Variants in LEPR observed in about 807,000 individuals in gnomAD.
LEPR encodes the protein leptin receptor.
LEPR carries 56 observed loss-of-function variants against 114.7 expected under a neutral mutation model. The observed-to-expected ratio is 0.49, with a 90% CI of 0.39 to 0.61. The LOEUF (loss-of-function observed/expected upper bound fraction) is 0.61. Among genes scored for constraint, LEPR ranks in the 20% least tolerant of loss-of-function variants. LEPR has a pLI of 0.00. For missense variants in LEPR, 1,202 were observed against 1,352.9 expected (o/e 0.89, Z 1.75); for synonymous variants, 443 against 461.4 (o/e 0.96, Z 0.51).
chr1:65,535,056 T>C (rs1346974126), intron 2 of LEPR, among the ~76,000 whole-genome samples: 2 of 152,174 alleles, frequency 1.3e-5, no homozygotes, highest in Non-Finnish European at 2.9e-5. Context: ...ACAGAATTTC[T>C]GAACCAAAGT....
Position 65,616,239 on chromosome 1 carries a change from A to G in LEPR, c.2212+15A>G. 1 of 1,612,216 alleles carries G rather than the reference A, an allele frequency of 6.2e-7. No individual in the cohort carries two copies. Among genetic ancestry groups the G allele is most frequent in the Non-Finnish European group, 8.5e-7 (1 of 1,178,572 alleles). On this transcript the variant is annotated intron_variant, in intron 15 of 19. Transcript: ENST00000349533. ...TATGAGCAAAGGTAAGAAGAGGTAC[A>G]GAGTGGTAATCCATTGCCTCTTTTA...
intron 2 of LEPR, chr1:65,428,028 T>C (rs1043233934): frequency 1.9e-5 from 3 of 155,344 alleles, no homozygotes; most frequent in Non-Finnish European, 4.3e-5. Flanking sequence ...CATTTGTTTA[T>C]GAATTATCTT....
At chr1:65,449,814 C>T (rs963694331) in intron 2 of LEPR, among the ~76,000 whole-genome samples, 1 of 146,488 alleles carries the variant, frequency 6.8e-6, no homozygotes, top group Non-Finnish European at 1.5e-5. Flanking sequence ...ATTTGTTCCT[C>T]TTTTTTCTAG....
intron 2 of LEPR, among the ~76,000 whole-genome samples, chr1:65,541,826 T>C (rs755334179): frequency 2.0e-5 from 3 of 152,194 alleles, no homozygotes; most frequent in Non-Finnish European, 2.9e-5. Context: ...AAAGCAACAT[T>C]ATTGTCAGAA....
At chr1:65,498,299 T>C (rs1475588728) in intron 2 of LEPR, among the ~76,000 whole-genome samples, 2 of 152,130 alleles carry the variant, frequency 1.3e-5, no homozygotes, top group Non-Finnish European at 2.9e-5. Flanking sequence ...CTTTACAAGA[T>C]TAGGAAGGTC....
Position 65,596,516 on chromosome 1 carries a change from T to A in LEPR, c.772T>A (p.Ser258Thr). ...TGATGGTAATTTAAAGATTTCTTGG[T>A]CCAGCCCACCATTGGTACCATTTCC... ...TDDGNLKISWSSPPLVPFPLQ... is the reference protein window; with the variant it reads ...TDDGNLKISWTSPPLVPFPLQ... The change falls in exon 7 of 20, where the codon TCC becomes ACC. Residue 258 changes from serine to threonine, a missense_variant. Ser to Thr is a moderately conservative substitution (Grantham distance 58). Coordinates refer to ENST00000349533, the MANE Select transcript of LEPR (RefSeq NM_002303.6). The A allele has an allele frequency of 6.2e-7, 1 of 1,612,948 alleles. No individual in the cohort carries two copies. Among genetic ancestry groups the A allele is most frequent in the Middle Eastern group, 1.7e-4 (1 of 6,054 alleles).
At chr1:65,595,645 T>G (rs540532651) in intron 6 of LEPR, among the ~76,000 whole-genome samples, 4 of 152,260 alleles carry the variant, frequency 2.6e-5, no homozygotes, top group African/African-American at 9.6e-5. Flanking sequence ...TCTTATGCTC[T>G]TTATTTATTG....
At chr1:65,523,387 T>C (rs913239666) in intron 2 of LEPR, among the ~76,000 whole-genome samples, 1 of 151,570 alleles carries the variant, frequency 6.6e-6, no homozygotes, top group African/African-American at 2.4e-5. Flanking sequence ...CTCGGTTCAA[T>C]GCAACCTCTG....
intron 5 of LEPR, among the ~76,000 whole-genome samples, chr1:65,578,891 T>C (rs981737495): frequency 1.6e-4 from 25 of 152,182 alleles, no homozygotes; most frequent in African/African-American, 5.5e-4. Flanking sequence ...TATTTATTAC[T>C]AGTGTTAGAC....
At chr1:65,569,707 T>TA (rs199787348) in intron 3 of LEPR, among the ~76,000 whole-genome samples, 1,038 of 92,418 alleles carry the variant, frequency 0.011, 29 homozygotes, top group African/African-American at 0.026. Flanking sequence ...AATTCCATCT[T>TA]AAAAAAAAAA....
rs760227840 is a variant in LEPR, at chr1:65,636,468, T to C, written c.2951T>C (p.Val984Ala). 2 of 1,613,938 alleles carry C rather than the reference T, an allele frequency of 1.2e-6. No individual in the cohort carries two copies. The highest frequency in any genetic ancestry group is 1.7e-6 in the Non-Finnish European group (2 of 1,179,994). The change falls in exon 20 of 20, where the codon GTT becomes GCT. Residue 984 changes from valine (V) to alanine (A), a missense_variant. By Grantham distance (64) the Val-to-Ala change is moderately conservative. Transcript: ENST00000349533. ...GACGAAAGCCAGAGACAACCCTTTG[T>C]TAAATACGCCACGCTGATCAGCAAC... ...YEDESQRQPF[V>A]KYATLISNSK... is the part of the protein sequence containing the mutation.
intron 2 of LEPR, chr1:65,429,831 T>C (rs200216004): frequency 7.2e-7 from 1 of 1,393,516 alleles, no homozygotes; most frequent in African/African-American, 1.5e-5. Context: ...GTTACTTTTC[T>C]TTTTGGATTT....
chr1:65,567,313 G>A (rs889296197), intron 3 of LEPR, among the ~76,000 whole-genome samples: 2 of 152,226 alleles, frequency 1.3e-5, no homozygotes, highest in Admixed American at 6.5e-5. Context: ...TTCATTTCAA[G>A]CAACTGAATC....
At chr1:65,512,061 T>C (rs924130001) in intron 2 of LEPR, among the ~76,000 whole-genome samples, 1 of 152,088 alleles carries the variant, frequency 6.6e-6, no homozygotes, top group African/African-American at 2.4e-5. Flanking sequence ...CTGTTTCACA[T>C]GGTGGGAGCA....
chr1:65,552,885 T>G (rs1416179926), intron 2 of LEPR, among the ~76,000 whole-genome samples: 1 of 152,220 alleles, frequency 6.6e-6, no homozygotes, highest in Non-Finnish European at 1.5e-5. Flanking sequence ...AGTGCTTCCT[T>G]CAGGAGCTCT....
rs1557666288 is a variant in LEPR, at chr1:65,565,845, T to TCACACACACAGACTCACACA, written c.40+250_40+251insGACTCACACACACACACACA. On this transcript the variant is annotated intron_variant, in intron 3 of 19. Coordinates refer to ENST00000349533, the MANE Select transcript of LEPR (RefSeq NM_002303.6). ...ATCCTTCCAGAATCCTCTCTCTCTCTCACACACACACACACACAGACTCAC... is the reference window on the plus strand; with the variant it reads ...ATCCTTCCAGAATCCTCTCTCTCTCTCACACACACAGACTCACACACACACACACACACACACAGACTCAC... Among the ~76,000 whole-genome samples, 23 of 148,728 alleles carry TCACACACACAGACTCACACA rather than the reference T, an allele frequency of 1.5e-4. No individual in the cohort carries two copies. In the East Asian group the frequency reaches 4.3e-3, roughly 28 times the overall value.
chr1:65,556,529 T>C (rs1652826123), intron 2 of LEPR, among the ~76,000 whole-genome samples: 1 of 152,172 alleles, frequency 6.6e-6, no homozygotes, highest in South Asian at 2.1e-4. Context: ...TTGTATGTGC[T>C]TCCTCATGGC....
At chr1:65,616,647 G>A (rs1657544807) in intron 15 of LEPR, among the ~76,000 whole-genome samples, 1 of 151,850 alleles carries the variant, frequency 6.6e-6, no homozygotes, top group Non-Finnish European at 1.5e-5. Flanking sequence ...AATAGTAATA[G>A]CATGACATGT....
rs1023044696 is a variant in LEPR, at chr1:65,633,585, G to C, written c.2674-2606G>C. The stretch of plus-strand genomic sequence containing the variant: ...CTAAAACTGCAACATCTGACAAATA[G>C]CTTTAAAAATACAATGATTATAAGT... On this transcript the variant is annotated intron_variant, in intron 19 of 19. Transcript: ENST00000349533. This position sits in a 1 kb window ranked among gnomAD's most constrained non-coding sequence, Gnocchi z 4.1. The C allele has an allele frequency of 2.0e-5, 20 of 992,814 alleles. No individual in the cohort carries two copies. Among genetic ancestry groups the C allele is most frequent in the Non-Finnish European group, 2.3e-5 (19 of 833,856 alleles). 61.5% of individuals were successfully genotyped at this position (992,814 alleles called of 1,614,324 possible).
Sources: gnomAD v4.1 joint callset for allele counts (sites outside exome capture counted in the v4.1 genomes callset) on GRCh38, gnomAD v4.1.1 for gene constraint, Gnocchi (gnomAD v3.1) non-coding constraint, MANE v1.5 for transcripts, NCBI Gene and HGNC (gene_info 2026-07-23, HGNC 2026-07-21) for gene names.